TNRC6C: variants seen among roughly 807,000 people sequenced by gnomAD.
The protein encoded by TNRC6C is trinucleotide repeat containing adaptor 6C, also known as trinucleotide repeat-containing gene 6C protein.
TNRC6C carries 20 observed loss-of-function variants against 153.7 expected under a neutral mutation model. The observed-to-expected ratio is 0.13, with a 90% confidence interval of 0.09 to 0.19. The LOEUF is 0.19. Among genes scored for constraint, TNRC6C ranks in the 10% least tolerant of loss-of-function variants. TNRC6C has a pLI of 1.00. For synonymous variants in TNRC6C, 811 were observed against 841.4 expected (o/e 0.96, Z 0.63); for missense variants, 1,987 against 2,172.0 (o/e 0.91, Z 1.69).
At chr17:78,025,000 G>C (rs542724169) in intron 1 of TNRC6C, among the ~76,000 whole-genome samples, 2 of 151,678 alleles carry the variant, frequency 1.3e-5, no homozygotes, top group South Asian at 2.1e-4. Context: ...CACCATGTTA[G>C]CCAGTGTGAT....
At chr17:78,050,916 A>G in exon 3 of TNRC6C, 2 of 1,613,918 alleles carry the variant, frequency 1.2e-6, no homozygotes, top group Non-Finnish European at 1.7e-6. Flanking sequence ...ATGGATCTGG[A>G]TGGGATGCTG....
intron 4 of TNRC6C, 45 bp from the exon 7 acceptor site, chr17:78,067,712 G>A (rs377100844): frequency 6.4e-5 from 100 of 1,557,892 alleles, no homozygotes; most frequent in African/African-American, 4.0e-4. Flanking sequence ...CATTGTCTGC[G>A]TTAGGGACAT....
intron 1 of TNRC6C, among the ~76,000 whole-genome samples, chr17:77,999,121 C>G (rs2071372910): frequency 6.6e-6 from 1 of 152,210 alleles, no homozygotes; most frequent in Admixed American, 6.5e-5. Flanking sequence ...ATGCATAACT[C>G]AAAGGTGAGC....
At chr17:78,028,055 C>G (rs1379719812) in intron 1 of TNRC6C, among the ~76,000 whole-genome samples, 1 of 152,044 alleles carries the variant, frequency 6.6e-6, no homozygotes, top group Non-Finnish European at 1.5e-5. Context: ...GCCACCATGC[C>G]CGGCTAATTT....
chr17:77,988,956 C>G (rs1442157889), intron 1 of TNRC6C, among the ~76,000 whole-genome samples: 1 of 152,166 alleles, frequency 6.6e-6, no homozygotes, highest in Non-Finnish European at 1.5e-5. Context: ...TCATGTGGCA[C>G]ATATAGTACA....
At chr17:78,029,356 G>A (rs1233093312) in intron 1 of TNRC6C, among the ~76,000 whole-genome samples, 3 of 152,244 alleles carry the variant, frequency 2.0e-5, no homozygotes, top group Admixed American at 2.0e-4. Context: ...TTTGCTCCTA[G>A]GCTGCAAGCC....
chr17:77,990,297 T>C (rs2071230169), intron 1 of TNRC6C, among the ~76,000 whole-genome samples: 1 of 152,218 alleles, frequency 6.6e-6, no homozygotes, highest in Non-Finnish European at 1.5e-5. Context: ...CTATTCCACA[T>C]AGGAGCCAGA....
In TNRC6C at chr17:78,020,621, A is replaced by G. The variant is rs1005103295; in HGVS notation, c.-545-10895A>G. ...AATGGAAGCCACAAATGTGAGCCAC[A>G]TGAATCATTTTAAATAGGCTAGTTG... On this transcript the variant is annotated intron_variant, in intron 1 of 19. Transcript: ENST00000301624. 3.3e-5 allele frequency among the ~76,000 whole-genome samples: 5 copies of G among 152,248 alleles called. No homozygotes were observed. The South Asian group carries it at 8.3e-4, about 25-fold the overall frequency.
intron 1 of TNRC6C, among the ~76,000 whole-genome samples, chr17:77,974,890 C>T (rs943554297): frequency 2.0e-5 from 3 of 152,138 alleles, no homozygotes; most frequent in Admixed American, 1.3e-4. Context: ...GGGTTCAAAC[C>T]CAGGTTTTGC....
intron 1 of TNRC6C, among the ~76,000 whole-genome samples, chr17:78,020,639 G>A (rs9899993): frequency 2.6e-5 from 4 of 152,074 alleles, no homozygotes; most frequent in African/African-American, 9.7e-5. Context: ...TTTTAAATAG[G>A]CTAGTTGCAT....
At chr17:78,054,493 T>C (rs1237656014) in intron 3 of TNRC6C, among the ~76,000 whole-genome samples, 1 of 152,020 alleles carries the variant, frequency 6.6e-6, no homozygotes, top group African/African-American at 2.4e-5. Context: ...TGCAGACTAC[T>C]GTACACCACT....
chr17:78,105,006 A>G, exon 20 of TNRC6C: 1 of 936,384 alleles, frequency 1.1e-6, no homozygotes, highest in East Asian at 3.3e-5. Flanking sequence ...AACTGTTCGC[A>G]AAACAGTGCG....
In TNRC6C at chr17:77,997,654, G is replaced by GT. The variant is rs543038664; in HGVS notation, c.-37-6504dup. Among the ~76,000 whole-genome samples, 626 of 145,678 alleles carry GT rather than the reference G, an allele frequency of 4.3e-3. 1 individual carries two copies. Among genetic ancestry groups the GT allele is most frequent in the Middle Eastern group, 0.011 (3 of 276 alleles). On this transcript the variant is annotated intron_variant, in intron 1 of 22. Coordinates refer to the TNRC6C transcript ENST00000636222. ...TTTCACCATAACCATTTATAACGTT[G>GT]TTTTTTTTTTTTATTTTTTTGAGAT...
At chr17:78,019,205 A>G (rs73373014) in intron 1 of TNRC6C, among the ~76,000 whole-genome samples, 2,743 of 152,318 alleles carry the variant, frequency 0.018, 93 homozygotes, top group African/African-American at 0.06. Flanking sequence ...GGTTGCAGCC[A>G]GGACTTGAAA....
intron 19 of TNRC6C, 103 bp downstream of exon 22, chr17:78,103,656 T>C (rs2073636908): frequency 6.7e-7 from 1 of 1,488,024 alleles, no homozygotes; most frequent in Non-Finnish European, 9.0e-7. Context: ...CATAGCAGAA[T>C]CCCACAGGCT....
intron 1 of TNRC6C, among the ~76,000 whole-genome samples, chr17:77,969,617 A>G (rs895398094): frequency 7.2e-5 from 11 of 152,040 alleles, no homozygotes; most frequent in Non-Finnish European, 1.5e-4. Flanking sequence ...CATCTGACCT[A>G]TTAAGAGAAA....
intron 1 of TNRC6C, among the ~76,000 whole-genome samples, chr17:77,971,285 G>C (rs1221721891): frequency 6.6e-6 from 1 of 152,124 alleles, no homozygotes; most frequent in East Asian, 1.9e-4. Flanking sequence ...TTCTGTCTTT[G>C]CCAGATCAAA....
chr17:77,989,427 A>G (rs2071218246), intron 1 of TNRC6C, among the ~76,000 whole-genome samples: 1 of 152,242 alleles, frequency 6.6e-6, no homozygotes, highest in African/African-American at 2.4e-5. Flanking sequence ...TCTGAAAAGC[A>G]ACTGTCATAT....
chr17:77,963,336 C>G (rs753618056), intron 1 of TNRC6C, among the ~76,000 whole-genome samples: 2 of 152,212 alleles, frequency 1.3e-5, no homozygotes, highest in South Asian at 2.1e-4. Context: ...TCCTATTGTA[C>G]AGATCGTGCA....
Sources: gnomAD v4.1 joint callset for allele counts (sites outside exome capture counted in the v4.1 genomes callset) on GRCh38, gnomAD v4.1.1 for gene constraint, MANE v1.5 for transcripts, NCBI Gene and HGNC (gene_info 2026-07-23, HGNC 2026-07-21) for gene names.